ZMAT1: variants seen among roughly 807,000 people sequenced by gnomAD.
The protein encoded by ZMAT1 is zinc finger matrin-type protein 1.
In ZMAT1, 11 loss-of-function variants were observed where a neutral mutation model predicts 18.5. The ratio of observed to expected loss-of-function variants is 0.59; its 90% CI spans 0.37 to 0.98. ZMAT1 has a LOEUF of 0.98. Among genes scored for constraint, ZMAT1 ranks in the 50% least tolerant of loss-of-function variants. The pLI is 0.01. For synonymous variants in ZMAT1, 211 were observed against 176.4 expected, an observed-to-expected ratio of 1.20 and a Z score of -1.55; for missense variants, 525 against 496.2, an observed-to-expected ratio of 1.06 and a Z score of -0.55.
At chrX:101,916,238 TG>T (rs1929322638) in intron 1 of ZMAT1, among the ~76,000 whole-genome samples, 1 of 86,343 alleles carries the variant, frequency 1.2e-5, no homozygotes, top group African/African-American at 4.6e-5. Context: ...CGGGGCCAGT[TG>T]GGGGGTGGGG....
chrX:101,894,665 A>AT (rs760263996), intron 4 of ZMAT1: 344 of 647,555 alleles, frequency 5.3e-4, no homozygotes, highest in Non-Finnish European at 6.1e-4. Context: ...TAGGTAATGA[A>AT]TAAAAAAAGA....
At chrX:101,922,340 T>C (rs1314592676) in intron 1 of ZMAT1, among the ~76,000 whole-genome samples, 1 of 111,126 alleles carries the variant, frequency 9.0e-6, no homozygotes, top group Non-Finnish European at 1.9e-5. Context: ...AAAGCCAGGA[T>C]TCAAATCTAA....
At chrX:101,928,222 ATTGAG>A (rs1309320679) in intron 1 of ZMAT1, among the ~76,000 whole-genome samples, 25 of 112,436 alleles carry the variant, frequency 2.2e-4, no homozygotes, top group Non-Finnish European at 3.6e-4. Context: ...AAGCACTATT[ATTGAG>A]TTGTTTAGTA....
chrX:101,908,553 A>T (rs557409831), intron 1 of ZMAT1, among the ~76,000 whole-genome samples: 11 of 111,707 alleles, frequency 9.8e-5, no homozygotes, highest in African/African-American at 3.3e-4. Context: ...CCCCTCCCCC[A>T]TCCCTGCAGC....
intron 5 of ZMAT1, 95 bp downstream of exon 5, chrX:101,886,537 T>A: frequency 1.8e-6 from 1 of 561,533 alleles, no homozygotes; most frequent in South Asian, 3.0e-5. Context: ...CATAGGGACA[T>A]GAATGCCTAA....
At position 101,917,593 on chromosome X, in the gene ZMAT1, T is replaced by C. The variant is rs190952039; in HGVS notation, c.293-13263A>G. On this transcript the variant is annotated intron_variant, in intron 1 of 5. Transcript: ENST00000651725. ...AATCCTCATACACTGTTGGTGGGAA[T>C]GTAAATTAGTACAACTACTAAGGAG... Among the ~76,000 whole-genome samples the C allele has an allele frequency of 2.7e-5, 3 of 112,477 alleles. No individual in the cohort carries two copies. The Admixed American group carries it at 2.8e-4, about 11-fold the overall frequency.
At chrX:101,885,288 T>C (rs1410841078) in intron 5 of ZMAT1, among the ~76,000 whole-genome samples, 1 of 112,145 alleles carries the variant, frequency 8.9e-6, no homozygotes, top group African/African-American at 3.2e-5. Context: ...TCATATCATT[T>C]TTAAAGTTTT....
chrX:101,916,792 A>G (rs1264983345), intron 1 of ZMAT1, among the ~76,000 whole-genome samples: 3 of 111,992 alleles, frequency 2.7e-5, no homozygotes, highest in Non-Finnish European at 5.6e-5. Flanking sequence ...TTCAAATTAT[A>G]CTACAGAGCT....
At position 101,897,974 on chromosome X, in the gene ZMAT1, T is replaced by C; in HGVS notation, c.570A>G (p.Pro190=). The C allele has an allele frequency of 8.3e-7, 1 of 1,211,836 alleles. No individual in the cohort carries two copies. The highest frequency in any genetic ancestry group is 1.1e-6 in the Non-Finnish European group (1 of 895,486). The change falls in exon 4 of 6, where the codon CCA becomes CCG. Residue 190 remains proline, a synonymous_variant. Coordinates refer to ENST00000651725, the MANE Select transcript of ZMAT1 (RefSeq NM_001394560.1). ...CDLCNMMFSS[P]LIAQSHYVGK... is the part of the protein sequence containing the mutation. Reference sequence around the variant, plus strand: ...CCACATAGTGAGACTGAGCAATAAGTGGAGAGCTAAACATCATGTTGCAGA... The same window carrying C: ...CCACATAGTGAGACTGAGCAATAAGCGGAGAGCTAAACATCATGTTGCAGA...
chrX:101,890,614 T>A (rs1232560187), intron 4 of ZMAT1, among the ~76,000 whole-genome samples: 1 of 111,261 alleles, frequency 9.0e-6, no homozygotes, highest in Non-Finnish European at 1.9e-5. Context: ...TGTTCACAAA[T>A]CCAGTGTGAG....
At chrX:101,902,918 A>G (rs1409302821) in intron 2 of ZMAT1, among the ~76,000 whole-genome samples, 1 of 111,558 alleles carries the variant, frequency 9.0e-6, no homozygotes, top group Non-Finnish European at 1.9e-5. Flanking sequence ...ATGCATGTGT[A>G]TATGTGTGTG....
chrX:101,896,518 A>T (rs760741457), intron 4 of ZMAT1, among the ~76,000 whole-genome samples: 1 of 112,344 alleles, frequency 8.9e-6, no homozygotes, highest in Non-Finnish European at 1.9e-5. Context: ...TAAAAAAATA[A>T]TTCTGGCTTC....
chrX:101,911,774 G>A (rs1158265736), intron 1 of ZMAT1: 24 of 1,207,821 alleles, frequency 2.0e-5, no homozygotes, highest in Middle Eastern at 4.6e-4. Context: ...CAGAGCCTTC[G>A]GCCAGAGCTC....
intron 1 of ZMAT1, among the ~76,000 whole-genome samples, chrX:101,921,053 A>G (rs142167497): frequency 1.5e-3 from 168 of 111,481 alleles, no homozygotes; most frequent in Non-Finnish European, 1.7e-3. Flanking sequence ...ATAAATGTAC[A>G]TCTTTTTTGC....
intron 1 of ZMAT1, among the ~76,000 whole-genome samples, chrX:101,927,708 T>G (rs1237521526): frequency 8.9e-6 from 1 of 112,279 alleles, no homozygotes; most frequent in African/African-American, 3.2e-5. Flanking sequence ...TTAACACACC[T>G]GATCCCATGA....
At chrX:101,930,907 G>A in intron 1 of ZMAT1, among the ~76,000 whole-genome samples, 1 of 112,277 alleles carries the variant, frequency 8.9e-6, no homozygotes, top group Non-Finnish European at 1.9e-5. Flanking sequence ...ATCTTTTTAT[G>A]TTAGGAGTAA....
chrX:101,902,108 T>C (rs1457182574), intron 2 of ZMAT1, among the ~76,000 whole-genome samples: 1 of 112,234 alleles, frequency 8.9e-6, no homozygotes, highest in Non-Finnish European at 1.9e-5. Flanking sequence ...AATGCAGCAA[T>C]GAGAGTGTTT....
intron 4 of ZMAT1, chrX:101,887,454 T>A (rs1298897750): frequency 7.7e-6 from 1 of 129,152 alleles, no homozygotes; most frequent in Admixed American, 9.4e-5. Flanking sequence ...CCTTCCACTT[T>A]ATCTTTGACC....
chrX:101,921,656 A>T (rs994669248), intron 1 of ZMAT1, among the ~76,000 whole-genome samples: 3 of 112,078 alleles, frequency 2.7e-5, no homozygotes, highest in African/African-American at 9.7e-5. Context: ...ACCTGACTTT[A>T]TATGGGTTGA....
Sources: allele counts gnomAD v4.1 joint callset (sites outside exome capture counted in the v4.1 genomes callset), GRCh38; gene constraint gnomAD v4.1.1; transcripts MANE v1.5; gene names NCBI Gene and HGNC (gene_info 2026-07-23, HGNC 2026-07-21).